Variants in TMTC2 observed in about 807,000 individuals in gnomAD.
TMTC2 encodes the protein transmembrane O-mannosyltransferase targeting cadherins 2, also known as protein O-mannosyl-transferase TMTC2.
Under a neutral mutation model 82.4 loss-of-function variants are expected in TMTC2, and 43 were observed. That is an observed-to-expected ratio of 0.52 (90% CI 0.41 to 0.67). The LOEUF (loss-of-function observed/expected upper bound fraction) is 0.67. Among genes scored for constraint, TMTC2 ranks in the 30% least tolerant of loss-of-function variants. The pLI, the probability that TMTC2 is intolerant of heterozygous loss-of-function variation, is 0.00. For missense variants in TMTC2, 919 were observed against 1,012.4 expected (o/e 0.91, Z 1.25); for synonymous variants, 408 against 381.9 (o/e 1.07, Z -0.80).
rs1041354409 is a variant in TMTC2, at chr12:83,038,312, A to G, written c.2152+7433A>G. Among the ~76,000 whole-genome samples, 6 of 152,132 alleles carry G rather than the reference A, an allele frequency of 3.9e-5. No homozygotes were observed. The South Asian group carries it at 6.2e-4, about 16-fold the overall frequency. ...TAAAAATATATATATATACTCAAAA[A>G]AAAAGTTAGGTAAACATACAATCTC... On this transcript the variant is annotated intron_variant, in intron 9 of 11. Coordinates refer to ENST00000321196, the MANE Select transcript of TMTC2 (RefSeq NM_152588.3).
At chr12:82,876,132 G>C (rs1872550046) in intron 2 of TMTC2, among the ~76,000 whole-genome samples, 2 of 145,360 alleles carry the variant, frequency 1.4e-5, no homozygotes, top group African/African-American at 2.6e-5. Context: ...TATTAGTAAT[G>C]GTGGTGGTGG....
intron 2 of TMTC2, among the ~76,000 whole-genome samples, chr12:82,881,447 G>C (rs1360257295): frequency 5.3e-5 from 8 of 152,144 alleles, no homozygotes; most frequent in African/African-American, 1.9e-4. Flanking sequence ...ATAAATTAGA[G>C]CGATTACAAT....
At chr12:83,058,974 G>A (rs1367118448) in intron 10 of TMTC2, among the ~76,000 whole-genome samples, 1 of 151,778 alleles carries the variant, frequency 6.6e-6, no homozygotes, top group African/African-American at 2.4e-5. Context: ...TTGCTTCATG[G>A]TGGTATTGTA....
At chr12:82,991,614 A>G (rs1879406892) in intron 8 of TMTC2, among the ~76,000 whole-genome samples, 1 of 152,206 alleles carries the variant, frequency 6.6e-6, no homozygotes, top group South Asian at 2.1e-4. Flanking sequence ...TCTTTAAAAT[A>G]TATGGAAATT....
intron 8 of TMTC2, among the ~76,000 whole-genome samples, chr12:82,992,059 G>C (rs545320483): frequency 6.6e-6 from 1 of 152,224 alleles, no homozygotes; most frequent in African/African-American, 2.4e-5. Context: ...CCTTTATTTT[G>C]GCTACGGCAT....
chr12:82,711,463 A>G (rs1194708514), intron 1 of TMTC2, among the ~76,000 whole-genome samples: 1 of 152,088 alleles, frequency 6.6e-6, no homozygotes, highest in Non-Finnish European at 1.5e-5. Context: ...AAAGGGCAAG[A>G]AACTATTTGA....
intron 3 of TMTC2, among the ~76,000 whole-genome samples, chr12:82,926,720 G>C (rs931621004): frequency 8.5e-5 from 13 of 152,096 alleles, no homozygotes; most frequent in Non-Finnish European, 1.5e-4. Context: ...TAATACAACT[G>C]GTAACCTTCA....
intron 1 of TMTC2, among the ~76,000 whole-genome samples, chr12:82,688,388 G>T (rs1565708804): frequency 6.6e-6 from 1 of 152,150 alleles, no homozygotes; most frequent in Non-Finnish European, 1.5e-5. Flanking sequence ...GACTGAAGTT[G>T]TCTTCTGCAC....
At chr12:82,732,601 C>T (rs558484348) in intron 1 of TMTC2, among the ~76,000 whole-genome samples, 1 of 152,222 alleles carries the variant, frequency 6.6e-6, no homozygotes. Context: ...CCTCGGCCTC[C>T]CAAAGTGCTG....
At chr12:82,749,938 A>G (rs1430066080) in intron 1 of TMTC2, among the ~76,000 whole-genome samples, 5 of 151,844 alleles carry the variant, frequency 3.3e-5, no homozygotes, top group Admixed American at 6.6e-5. Context: ...GGCTTTCACC[A>G]TGTTGGTCAG....
chr12:82,997,927 T>C (rs999733200), intron 8 of TMTC2, among the ~76,000 whole-genome samples: 1 of 152,078 alleles, frequency 6.6e-6, no homozygotes, highest in Non-Finnish European at 1.5e-5. Context: ...ATGAAACAGG[T>C]TTTTTCAAGT....
chr12:83,047,099 A>G (rs1882173198), intron 9 of TMTC2, among the ~76,000 whole-genome samples: 1 of 152,184 alleles, frequency 6.6e-6, no homozygotes. Context: ...AGAGGCTGAG[A>G]GATCTTAGTG....
intron 2 of TMTC2, among the ~76,000 whole-genome samples, chr12:82,860,796 A>G (rs1035954014): frequency 1.3e-5 from 2 of 152,276 alleles, no homozygotes; most frequent in African/African-American, 2.4e-5. Flanking sequence ...AGGACTGCTT[A>G]GTAATTGACC....
intron 1 of TMTC2, among the ~76,000 whole-genome samples, chr12:82,798,309 C>T (rs912662114): frequency 3.3e-5 from 5 of 149,316 alleles, no homozygotes; most frequent in African/African-American, 4.9e-5. Flanking sequence ...TGGTGGCTCA[C>T]GCCTGTAATC....
intron 8 of TMTC2, among the ~76,000 whole-genome samples, chr12:83,014,825 C>G (rs1184269549): frequency 6.6e-6 from 1 of 151,986 alleles, no homozygotes; most frequent in Non-Finnish European, 1.5e-5. Flanking sequence ...TACTGCTATC[C>G]CTATAACACA....
At chr12:82,753,939 G>C (rs1289993344) in intron 1 of TMTC2, among the ~76,000 whole-genome samples, 3 of 152,198 alleles carry the variant, frequency 2.0e-5, no homozygotes, top group Non-Finnish European at 4.4e-5. Context: ...TCTCTAGGGA[G>C]TCTTAGTAGG....
chr12:82,924,361 T>C (rs1239688353), intron 3 of TMTC2, among the ~76,000 whole-genome samples: 1 of 152,172 alleles, frequency 6.6e-6, no homozygotes, highest in Non-Finnish European at 1.5e-5. Flanking sequence ...GAGAGGAGGA[T>C]GTTTGGTAGT....
chr12:82,898,065 T>C (rs1376266344), intron 3 of TMTC2, among the ~76,000 whole-genome samples: 3 of 152,196 alleles, frequency 2.0e-5, no homozygotes, highest in Non-Finnish European at 4.4e-5. Flanking sequence ...AACTACACAT[T>C]TCTTTAAGGA....
chr12:82,767,588 CA>C (rs924345539), intron 1 of TMTC2, among the ~76,000 whole-genome samples: 11 of 146,552 alleles, frequency 7.5e-5, no homozygotes, highest in African/African-American at 2.5e-4. Context: ...CTGTCTCAAA[CA>C]AAAAAAAAAG....
Sources: gnomAD v4.1 joint callset for allele counts (sites outside exome capture counted in the v4.1 genomes callset) on GRCh38, gnomAD v4.1.1 for gene constraint, MANE v1.5 for transcripts, NCBI Gene and HGNC (gene_info 2026-07-23, HGNC 2026-07-21) for gene names.